Variants in LINGO2 observed in about 807,000 individuals in gnomAD.
LINGO2 encodes the protein leucine-rich repeat and immunoglobulin-like domain-containing nogo receptor-interacting protein 2.
LINGO2 carries 14 observed loss-of-function variants against 30.6 expected under a neutral mutation model. That is an observed-to-expected ratio of 0.46 (90% CI 0.30 to 0.72). LINGO2 has a LOEUF of 0.72. Among genes scored for constraint, LINGO2 ranks in the 30% least tolerant of loss-of-function variants. LINGO2 has a pLI of 0.07. For synonymous variants in LINGO2, 317 were observed against 288.5 expected, an observed-to-expected ratio of 1.10 and a Z score of -1.00; for missense variants, 729 against 751.7, an observed-to-expected ratio of 0.97 and a Z score of 0.35.
chr9:27,978,096 GT>G (rs1490804844), intron 5 of LINGO2, among the ~76,000 whole-genome samples: 1 of 152,052 alleles, frequency 6.6e-6, no homozygotes, highest in Non-Finnish European at 1.5e-5. Flanking sequence ...CTTATACTGT[GT>G]GGGTTCTTTG....
intron 1 of LINGO2, among the ~76,000 whole-genome samples, chr9:28,500,909 C>G (rs1360570694): frequency 6.6e-6 from 1 of 152,010 alleles, no homozygotes; most frequent in Non-Finnish European, 1.5e-5. Flanking sequence ...TTAAATTAGT[C>G]TAAGGTATTT....
the LINGO2 span, among the ~76,000 whole-genome samples, chr9:28,771,502 TGTGTGAGAGA>T: frequency 1.6e-5 from 1 of 60,920 alleles, no homozygotes; most frequent in African/African-American, 5.8e-5. Flanking sequence ...TGTGTGTGTG[TGTGTGAGAGA>T]GAGAGAGAGA....
the LINGO2 span, among the ~76,000 whole-genome samples, chr9:29,128,774 G>A: frequency 5.9e-5 from 9 of 152,108 alleles, no homozygotes; most frequent in South Asian, 1.9e-3. Flanking sequence ...AAGGCTATTG[G>A]ATCTTTGTTT....
intron 4 of LINGO2, among the ~76,000 whole-genome samples, chr9:28,237,605 T>G (rs2133959848): frequency 6.6e-6 from 1 of 152,210 alleles, no homozygotes; most frequent in South Asian, 2.1e-4. Flanking sequence ...ATCCCAGCAC[T>G]TTGGAAGGCC....
intron 3 of LINGO2, among the ~76,000 whole-genome samples, chr9:28,365,463 A>G (rs1269121196): frequency 6.6e-6 from 1 of 152,162 alleles, no homozygotes; most frequent in Non-Finnish European, 1.5e-5. Context: ...ATAGTGAAAT[A>G]CCAGAAAGCA....
intron 2 of LINGO2, among the ~76,000 whole-genome samples, chr9:28,408,428 G>A (rs913132629): frequency 6.6e-6 from 1 of 152,052 alleles, no homozygotes; most frequent in Non-Finnish European, 1.5e-5. Context: ...CTACATCAGG[G>A]AACTCAGGAC....
At chr9:28,707,620 G>A in the LINGO2 span, among the ~76,000 whole-genome samples, 1,298 of 152,144 alleles carry the variant, frequency 8.5e-3, 15 homozygotes, top group Non-Finnish European at 0.01. Flanking sequence ...CCCAAGGGTG[G>A]TGGCTAGGTC....
chr9:28,605,883 G>A (rs1349613783), intron 1 of LINGO2, among the ~76,000 whole-genome samples: 1 of 152,132 alleles, frequency 6.6e-6, no homozygotes, highest in Non-Finnish European at 1.5e-5. Context: ...TCCTATGGTC[G>A]TCAAATCCGA....
the LINGO2 span, among the ~76,000 whole-genome samples, chr9:28,850,056 T>C: frequency 7.9e-5 from 12 of 152,018 alleles, no homozygotes; most frequent in Non-Finnish European, 1.2e-4. Flanking sequence ...ACTTTAGTTC[T>C]ACGGTTTTCT....
intron 1 of LINGO2, among the ~76,000 whole-genome samples, chr9:28,502,274 G>A (rs368382435): frequency 6.6e-6 from 1 of 151,928 alleles, no homozygotes; most frequent in Non-Finnish European, 1.5e-5. Flanking sequence ...TTCTGCATAT[G>A]TGGTCTCATG....
the LINGO2 span, among the ~76,000 whole-genome samples, chr9:28,771,968 G>A: frequency 0.012 from 1,853 of 152,098 alleles, 22 homozygotes; most frequent in Middle Eastern, 0.068. Context: ...ACTGAATGCC[G>A]TAGGAAGACA....
chr9:28,637,335 G>A (rs1164709741), intron 1 of LINGO2, among the ~76,000 whole-genome samples: 1 of 152,112 alleles, frequency 6.6e-6, no homozygotes, highest in African/African-American at 2.4e-5. Flanking sequence ...GAACTTTAAA[G>A]TAGTTTTGCC....
At chr9:28,726,828 T>C in the LINGO2 span, among the ~76,000 whole-genome samples, 1 of 152,204 alleles carries the variant, frequency 6.6e-6, no homozygotes, top group Non-Finnish European at 1.5e-5. Flanking sequence ...CATATATTTG[T>C]TATATTCCAT....
chr9:28,951,529 A>G, the LINGO2 span, among the ~76,000 whole-genome samples: 1 of 152,086 alleles, frequency 6.6e-6, no homozygotes, highest in Admixed American at 6.6e-5. Context: ...ATCCTTCCAG[A>G]ACCAGCTTAT....
At chr9:28,540,116 A>G (rs2135458127) in intron 1 of LINGO2, among the ~76,000 whole-genome samples, 1 of 152,228 alleles carries the variant, frequency 6.6e-6, no homozygotes, top group African/African-American at 2.4e-5. Flanking sequence ...GTTTGATAAG[A>G]CTGGAAACAC....
At chr9:28,133,595 T>G (rs1827435292) in intron 4 of LINGO2, among the ~76,000 whole-genome samples, 2 of 152,182 alleles carry the variant, frequency 1.3e-5, no homozygotes, top group African/African-American at 4.8e-5. Context: ...CTTAAATCAC[T>G]GAGCTGAAGA....
the LINGO2 span, among the ~76,000 whole-genome samples, chr9:28,990,483 G>A: frequency 6.6e-6 from 1 of 152,314 alleles, no homozygotes; most frequent in South Asian, 2.1e-4. Flanking sequence ...GTCCCTGTCT[G>A]ACAGCTTTGA....
chr9:28,214,259 A>G (rs1357463940), intron 4 of LINGO2, among the ~76,000 whole-genome samples: 1 of 151,586 alleles, frequency 6.6e-6, no homozygotes, highest in Non-Finnish European at 1.5e-5. Context: ...GGACCATGAC[A>G]TTCTCTTTGC....
intron 1 of LINGO2, among the ~76,000 whole-genome samples, chr9:28,666,616 C>A (rs1395447327): frequency 6.6e-6 from 1 of 152,118 alleles, no homozygotes; most frequent in Admixed American, 6.5e-5. Flanking sequence ...TCTTTCCTAC[C>A]ATCCTTGGTT....
Sources: gnomAD v4.1 joint callset for allele counts (sites outside exome capture counted in the v4.1 genomes callset) on GRCh38, gnomAD v4.1.1 for gene constraint, MANE v1.5 for transcripts, NCBI Gene and HGNC (gene_info 2026-07-23, HGNC 2026-07-21) for gene names.